GPHN: variants seen among roughly 807,000 people sequenced by gnomAD.
The protein encoded by GPHN is gephyrin.
In GPHN, 17 loss-of-function variants were observed where a neutral mutation model predicts 95.5. The ratio of observed to expected loss-of-function variants is 0.18; its 90% confidence interval spans 0.12 to 0.27. The LOEUF (loss-of-function observed/expected upper bound fraction) is 0.27. GPHN is among the 10% of genes least tolerant of loss of function. GPHN has a pLI of 1.00. For synonymous variants in GPHN, 320 were observed against 322.5 expected (o/e 0.99, Z 0.08); for missense variants, 660 against 978.1 (o/e 0.67, Z 4.34).
chr14:67,137,779 A>AG (rs1438326232), intron 17 of GPHN, among the ~76,000 whole-genome samples: 2 of 152,148 alleles, frequency 1.3e-5, no homozygotes, highest in Non-Finnish European at 2.9e-5. Flanking sequence ...AAAGAAAAAA[A>AG]GAGATTTATC....
the GPHN span, among the ~76,000 whole-genome samples, chr14:67,452,930 C>G: frequency 6.6e-6 from 1 of 152,202 alleles, no homozygotes; most frequent in Non-Finnish European, 1.5e-5. Flanking sequence ...CTTTTTCTCC[C>G]TCCAACCCTA....
At chr14:67,503,529 A>T in the GPHN span, 2 of 152,122 alleles carry the variant, frequency 1.3e-5, no homozygotes, top group Admixed American at 6.6e-5. Context: ...CACCTTCATG[A>T]CTCGGCATGG....
chr14:67,347,785 C>T, the GPHN span, among the ~76,000 whole-genome samples: 3 of 152,128 alleles, frequency 2.0e-5, no homozygotes, highest in Non-Finnish European at 4.4e-5. Context: ...CAGGTATGAG[C>T]CACCGCGCCT....
At chr14:67,722,547 C>G in the GPHN span, 2 of 994,662 alleles carry the variant, frequency 2.0e-6, no homozygotes, top group Non-Finnish European at 3.3e-6. Context: ...GCAGCAGAAG[C>G]AGCCAAGAGC....
chr14:67,099,696 G>A (rs1200245146), intron 12 of GPHN, among the ~76,000 whole-genome samples: 1 of 151,950 alleles, frequency 6.6e-6, no homozygotes, highest in Non-Finnish European at 1.5e-5. Flanking sequence ...TGCAAAAAAG[G>A]GATGACTTCA....
At chr14:67,050,037 T>G (rs888589987) in intron 10 of GPHN, among the ~76,000 whole-genome samples, 2 of 151,564 alleles carry the variant, frequency 1.3e-5, no homozygotes, top group Non-Finnish European at 2.9e-5. Flanking sequence ...TATCCAAAGG[T>G]CCTTGTGTTA....
At chr14:67,591,989 A>T in the GPHN span, 1 of 152,254 alleles carries the variant, frequency 6.6e-6, no homozygotes, top group African/African-American at 2.4e-5. Flanking sequence ...CATACATATT[A>T]AATTATTTAC....
the GPHN span, among the ~76,000 whole-genome samples, chr14:67,293,737 T>G: frequency 6.6e-6 from 1 of 151,990 alleles, no homozygotes; most frequent in East Asian, 1.9e-4. Context: ...ATATGACATA[T>G]TTGAGAACAC....
chr14:67,729,670 A>G, the GPHN span: 1 of 590,028 alleles, frequency 1.7e-6, no homozygotes, highest in African/African-American at 1.8e-5. Context: ...TGGTTATGCC[A>G]TGGAGATCTG....
chr14:67,695,673 G>A, the GPHN span: 2 of 1,614,206 alleles, frequency 1.2e-6, no homozygotes, highest in Non-Finnish European at 1.7e-6. Flanking sequence ...GGCAGAAGGA[G>A]GAGCAACAGC....
At chr14:67,015,776 A>G (rs542912237) in intron 9 of GPHN, among the ~76,000 whole-genome samples, 28 of 152,280 alleles carry the variant, frequency 1.8e-4, no homozygotes, top group Non-Finnish European at 3.2e-4. Flanking sequence ...CAAAGAATAA[A>G]TGGTTATGGA....
At chr14:66,664,797 C>T (rs188463111) in intron 1 of GPHN, among the ~76,000 whole-genome samples, 50 of 151,518 alleles carry the variant, frequency 3.3e-4, no homozygotes, top group Non-Finnish European at 6.5e-4. Flanking sequence ...TTACGATTGT[C>T]CCCACAGGAA....
the GPHN span, among the ~76,000 whole-genome samples, chr14:67,430,846 A>C: frequency 6.6e-6 from 1 of 152,172 alleles, no homozygotes; most frequent in Non-Finnish European, 1.5e-5. Context: ...TTCTGTGATC[A>C]AAGCAGTCCC....
At chr14:67,095,890 G>T (rs1031089954) in intron 12 of GPHN, among the ~76,000 whole-genome samples, 9 of 146,424 alleles carry the variant, frequency 6.1e-5, no homozygotes, top group African/African-American at 7.6e-5. Context: ...GTAACTAACC[G>T]GCACATTGTG....
chr14:67,150,977 T>A (rs1304109148), intron 18 of GPHN, among the ~76,000 whole-genome samples: 1 of 152,200 alleles, frequency 6.6e-6, no homozygotes, highest in Non-Finnish European at 1.5e-5. Context: ...GTAGCATATT[T>A]AAAATATTGT....
At chr14:67,342,181 AAAATAAAT>A in the GPHN span, among the ~76,000 whole-genome samples, 193 of 99,596 alleles carry the variant, frequency 1.9e-3, 1 homozygote, top group South Asian at 4.6e-3. Flanking sequence ...AATGATCAAT[AAAATAAAT>A]AAATAAATAA....
intron 2 of GPHN, among the ~76,000 whole-genome samples, chr14:66,774,245 G>A (rs374929873): frequency 1.3e-4 from 20 of 151,314 alleles, no homozygotes; most frequent in East Asian, 1.2e-3. Flanking sequence ...CTCGTGATCC[G>A]CCCGCCTCGG....
the GPHN span, chr14:67,228,479 C>T: frequency 7.2e-5 from 13 of 181,160 alleles, no homozygotes; most frequent in South Asian, 2.4e-3. Flanking sequence ...CAGGGAAAGA[C>T]AATCAGTGCA....
the GPHN span, among the ~76,000 whole-genome samples, chr14:67,664,143 T>C: frequency 6.6e-6 from 1 of 152,220 alleles, no homozygotes; most frequent in Non-Finnish European, 1.5e-5. Flanking sequence ...GCAAAATACA[T>C]GTAATATAAA....
Sources: gnomAD v4.1 joint callset for allele counts (sites outside exome capture counted in the v4.1 genomes callset) on GRCh38, gnomAD v4.1.1 for gene constraint, MANE v1.5 for transcripts, NCBI Gene and HGNC (gene_info 2026-07-23, HGNC 2026-07-21) for gene names.